The following PTPRD variants were observed in gnomAD, a reference collection of about 807,000 sequenced individuals.
PTPRD encodes protein tyrosine phosphatase receptor type D.
A neutral mutation model predicts 214.5 loss-of-function variants in PTPRD; 34 were observed. The ratio of observed to expected loss-of-function variants is 0.16; its 90% confidence interval spans 0.12 to 0.21. PTPRD has a LOEUF of 0.21. Ranked by LOEUF, PTPRD falls within the 10% of genes least tolerant of loss-of-function variation. The pLI is 1.00. For missense variants in PTPRD, 2,545 were observed against 2,398.7 expected (o/e 1.06, Z -1.27); for synonymous variants, 1,128 against 845.7 (o/e 1.33, Z -5.79).
chr9:9,800,911 A>G (rs1287478233), intron 5 of PTPRD, among the ~76,000 whole-genome samples: 1 of 152,194 alleles, frequency 6.6e-6, no homozygotes, highest in Admixed American at 6.5e-5. Context: ...AAGCATTTAC[A>G]TCTCTGAAGG....
intron 10 of PTPRD, among the ~76,000 whole-genome samples, chr9:9,164,311 C>T (rs769391304): frequency 5.9e-5 from 9 of 152,176 alleles, no homozygotes; most frequent in Non-Finnish European, 1.0e-4. Context: ...CTTTAACTTT[C>T]TGTCTTCTGA....
intron 11 of PTPRD, among the ~76,000 whole-genome samples, chr9:8,749,436 C>T (rs1248414656): frequency 3.3e-5 from 5 of 152,162 alleles, no homozygotes; most frequent in South Asian, 4.1e-4. Flanking sequence ...GATCCACCCA[C>T]CTTGGCCTCC....
intron 12 of PTPRD, among the ~76,000 whole-genome samples, chr9:8,644,560 G>A (rs1297217871): frequency 1.3e-5 from 2 of 152,178 alleles, no homozygotes; most frequent in African/African-American, 4.8e-5. Context: ...GAGGACCCCA[G>A]ACCTGGGAGC....
chr9:9,894,019 G>A (rs1268841312), intron 5 of PTPRD, among the ~76,000 whole-genome samples: 1 of 151,992 alleles, frequency 6.6e-6, no homozygotes, highest in African/African-American at 2.4e-5. Context: ...TCACAATGTT[G>A]CTCAGGCTGA....
At chr9:9,141,235 C>CCCGTCTT (rs1569552206) in intron 10 of PTPRD, among the ~76,000 whole-genome samples, 1 of 147,356 alleles carries the variant, frequency 6.8e-6, no homozygotes, top group Non-Finnish European at 1.5e-5. Context: ...CTCTCCTCCC[C>CCCGTCTT]CCGTCTTCCT....
chr9:9,388,216 AG>A lies in PTPRD; in HGVS notation c.-203+9232del, dbSNP rs1221428996. ...CAGCAACTTCTGTCCTTACCTTGCTAGGGTCTTGGGTTTTTATAGGCCCAGG... is the reference window on the plus strand; with the variant it reads ...CAGCAACTTCTGTCCTTACCTTGCTAGGTCTTGGGTTTTTATAGGCCCAGG... On this transcript the variant is annotated intron_variant, in intron 9 of 45. Coordinates refer to ENST00000381196, the MANE Select transcript of PTPRD (RefSeq NM_002839.4). Among the ~76,000 whole-genome samples the A allele has an allele frequency of 6.6e-5, 10 of 152,120 alleles. No individual in the cohort carries two copies. In the East Asian group the frequency reaches 1.9e-3, roughly 29 times the overall value.
intron 8 of PTPRD, among the ~76,000 whole-genome samples, chr9:9,416,083 G>T (rs1254211993): frequency 6.6e-6 from 1 of 152,092 alleles, no homozygotes; most frequent in Non-Finnish European, 1.5e-5. Context: ...AAATTGCCAA[G>T]TCCAGTTGAT....
chr9:9,301,332 C>A (rs2134766576), intron 9 of PTPRD, among the ~76,000 whole-genome samples: 1 of 151,952 alleles, frequency 6.6e-6, no homozygotes, highest in Non-Finnish European at 1.5e-5. Flanking sequence ...TGTTCCATCT[C>A]AAACAATAAT....
intron 14 of PTPRD, among the ~76,000 whole-genome samples, chr9:8,615,607 A>C (rs576418743): frequency 6.6e-6 from 1 of 152,250 alleles, no homozygotes; most frequent in East Asian, 1.9e-4. Flanking sequence ...TCTAATAAGA[A>C]CAAAACCATT....
intron 2 of PTPRD, among the ~76,000 whole-genome samples, chr9:10,353,228 G>T (rs1018177711): frequency 1.3e-5 from 2 of 151,824 alleles, no homozygotes; most frequent in African/African-American, 4.8e-5. Context: ...TGAAGTTGTG[G>T]TCATATTAAT....
intron 2 of PTPRD, among the ~76,000 whole-genome samples, chr9:10,524,635 CAT>C (rs2053641993): frequency 6.6e-6 from 1 of 151,968 alleles, no homozygotes; most frequent in African/African-American, 2.4e-5. Flanking sequence ...ATTGAGAGCA[CAT>C]AGTCTCTTCA....
chr9:9,294,329 C>T (rs1317669514), intron 9 of PTPRD, among the ~76,000 whole-genome samples: 1 of 151,574 alleles, frequency 6.6e-6, no homozygotes. Flanking sequence ...ATACACATAC[C>T]TACTTCTGTA....
intron 35 of PTPRD, among the ~76,000 whole-genome samples, chr9:8,421,866 G>C (rs1038457948): frequency 2.7e-5 from 4 of 150,300 alleles, no homozygotes; most frequent in Non-Finnish European, 4.4e-5. Context: ...TGGTGAATTT[G>C]CCCGGGCGTG....
intron 3 of PTPRD, among the ~76,000 whole-genome samples, chr9:10,291,857 G>T (rs930697755): frequency 2.6e-5 from 4 of 152,064 alleles, no homozygotes; most frequent in Admixed American, 1.3e-4. Flanking sequence ...AAGAGCCACT[G>T]AATTAATGCA....
intron 10 of PTPRD, among the ~76,000 whole-genome samples, chr9:9,109,329 G>A (rs114008577): frequency 1.7e-3 from 260 of 152,188 alleles, no homozygotes; most frequent in African/African-American, 5.9e-3. Flanking sequence ...GGAAATCTGG[G>A]GTGCTGAAGA....
At chr9:9,441,503 C>CTTT (rs1569568354) in intron 8 of PTPRD, among the ~76,000 whole-genome samples, 2 of 152,036 alleles carry the variant, frequency 1.3e-5, no homozygotes, top group African/African-American at 4.8e-5. Context: ...CTTCAAAAGG[C>CTTT]AAAAGGTGAT....
intron 27 of PTPRD, among the ~76,000 whole-genome samples, chr9:8,490,744 C>T (rs761317583): frequency 5.3e-5 from 8 of 152,068 alleles, no homozygotes; most frequent in Admixed American, 1.3e-4. Flanking sequence ...ATGAATCTTA[C>T]GTAGATTACT....
intron 3 of PTPRD, among the ~76,000 whole-genome samples, chr9:10,241,778 T>C (rs1194549078): frequency 6.6e-6 from 1 of 151,950 alleles, no homozygotes; most frequent in Non-Finnish European, 1.5e-5. Flanking sequence ...TATAATTTCA[T>C]AAATAAATAC....
chr9:8,987,868 T>A (rs982252039), intron 11 of PTPRD, among the ~76,000 whole-genome samples: 1 of 152,120 alleles, frequency 6.6e-6, no homozygotes, highest in Admixed American at 6.6e-5. Context: ...GGACTGAAGG[T>A]CTAATTTGGG....
Sources: allele counts gnomAD v4.1 joint callset (sites outside exome capture counted in the v4.1 genomes callset), GRCh38; gene constraint gnomAD v4.1.1; transcripts MANE v1.5; gene names NCBI Gene and HGNC (gene_info 2026-07-23, HGNC 2026-07-21).